MICU1: variants seen among roughly 807,000 people sequenced by gnomAD.
MICU1 encodes the protein mitochondrial calcium uptake 1, also known as calcium uptake protein 1, mitochondrial.
Under a neutral mutation model 56.8 loss-of-function variants are expected in MICU1, and 45 were observed. The ratio of observed to expected loss-of-function variants is 0.79; its 90% confidence interval spans 0.62 to 1.02. MICU1 has a LOEUF of 1.02. Among genes scored for constraint, MICU1 ranks in the 50% least tolerant of loss-of-function variants. The probability of loss-of-function intolerance (pLI) is 0.00; values close to 1 mark genes in which losing one functional copy is unlikely to be tolerated. For synonymous variants in MICU1, 186 were observed against 195.1 expected (o/e 0.95, Z 0.39); for missense variants, 504 against 587.1 (o/e 0.86, Z 1.46).
intron 1 of MICU1, among the ~76,000 whole-genome samples, chr10:72,569,206 C>CATATATATATATAT (rs1211580394): frequency 4.4e-5 from 3 of 68,058 alleles, no homozygotes; most frequent in East Asian, 3.9e-4. Flanking sequence ...CATATATATG[C>CATATATATATATAT]ATATATATAT....
At position 72,456,849 on chromosome 10, in the gene MICU1, TTGTGTGTGTGTGTG is replaced by T. The variant is rs56262647; in HGVS notation, c.933+18237_933+18250del. Among the ~76,000 whole-genome samples the T allele has an allele frequency of 3.9e-3, 522 of 134,642 alleles. 16 individuals carry two copies. Among genetic ancestry groups the T allele is most frequent in the African/African-American group, 0.012 (441 of 36,214 alleles). 88.3% of individuals were successfully genotyped at this position (134,642 alleles called of 152,430 possible). A position where few individuals can be genotyped will look rare whatever the true frequency, so the allele number is the denominator to read the frequency against. ...GATGCACCACCATGCCGGGCTCATTTTGTGTGTGTGTGTGTGTGTGTGTGTGTGTGTGTGTGTGT... is the reference window on the plus strand; with the variant it reads ...GATGCACCACCATGCCGGGCTCATTTTGTGTGTGTGTGTGTGTGTGTGTGT... On this transcript the variant is annotated intron_variant, in intron 8 of 11. Transcript: ENST00000361114.
rs1271507380 is a variant in MICU1, at chr10:72,368,174, G to A, written c.*21C>T. On this transcript the variant is annotated 3_prime_UTR_variant, in exon 12 of 12. Coordinates refer to ENST00000361114, the MANE Select transcript of MICU1 (RefSeq NM_001195518.2). ...GGTCCAGGGTACTGGGGGTGGAGGG[G>A]TCCCCTCTTGCAGTGTGGGGTTACT... 2 of 1,600,494 alleles carry A rather than the reference G, an allele frequency of 1.2e-6. No individual in the cohort carries two copies. Among genetic ancestry groups the A allele is most frequent in the Non-Finnish European group, 1.7e-6 (2 of 1,170,848 alleles).
At chr10:72,480,483 T>G (rs2132279406) in intron 6 of MICU1, among the ~76,000 whole-genome samples, 1 of 152,180 alleles carries the variant, frequency 6.6e-6, no homozygotes, top group South Asian at 2.1e-4. Context: ...GCAAAGAACC[T>G]GAAAGGAAGT....
At chr10:72,525,448 G>C (rs533053305) in intron 5 of MICU1, among the ~76,000 whole-genome samples, 9 of 152,284 alleles carry the variant, frequency 5.9e-5, no homozygotes, top group South Asian at 2.1e-4. Context: ...TTACGGCACA[G>C]GAATGAGATG....
chr10:72,439,145 T>A (rs894276498), intron 8 of MICU1, among the ~76,000 whole-genome samples: 2 of 152,002 alleles, frequency 1.3e-5, no homozygotes, highest in African/African-American at 4.8e-5. Context: ...AATGCAAAAA[T>A]CCTCAATAAA....
intron 9 of MICU1, among the ~76,000 whole-genome samples, chr10:72,415,523 A>C (rs1564854268): frequency 6.6e-6 from 1 of 152,166 alleles, no homozygotes; most frequent in Non-Finnish European, 1.5e-5. Flanking sequence ...CAGCAGGGGA[A>C]ATTATACCAT....
At chr10:72,620,324 A>C (rs916946619) in intron 1 of MICU1, among the ~76,000 whole-genome samples, 72 of 152,178 alleles carry the variant, frequency 4.7e-4, no homozygotes, top group African/African-American at 1.6e-3. Flanking sequence ...AGCTGGGATT[A>C]CAGGAGTGTG....
At chr10:72,508,319 A>G in intron 5 of MICU1, 50 bp from the exon 6 acceptor site, 1 of 749,244 alleles carries the variant, frequency 1.3e-6, no homozygotes, top group African/African-American at 1.7e-5. Context: ...TAAGTGAATT[A>G]GAATATAAAT....
chr10:72,396,363 G>A (rs968003820), intron 10 of MICU1, among the ~76,000 whole-genome samples: 1 of 151,972 alleles, frequency 6.6e-6, no homozygotes, highest in South Asian at 2.1e-4. Flanking sequence ...ATTCTAAAAA[G>A]CAGAGCGCCT....
intron 1 of MICU1, among the ~76,000 whole-genome samples, chr10:72,574,496 G>A (rs755310114): frequency 1.3e-5 from 2 of 152,004 alleles, no homozygotes; most frequent in Non-Finnish European, 2.9e-5. Flanking sequence ...TCCAGCCTGG[G>A]CAGCAAGAGT....
chr10:72,451,286 G>A (rs539819185), intron 8 of MICU1, among the ~76,000 whole-genome samples: 61 of 152,180 alleles, frequency 4.0e-4, no homozygotes, highest in Non-Finnish European at 5.9e-4. Context: ...GCCTCCCAAA[G>A]TGCTGGGATT....
At chr10:72,594,807 G>A (rs1841325636) in intron 1 of MICU1, among the ~76,000 whole-genome samples, 1 of 151,546 alleles carries the variant, frequency 6.6e-6, no homozygotes, top group South Asian at 2.1e-4. Flanking sequence ...CTACTGGGGA[G>A]GCTGAGGAAG....
At chr10:72,548,951 C>T (rs1472550491) in intron 4 of MICU1, among the ~76,000 whole-genome samples, 1 of 152,156 alleles carries the variant, frequency 6.6e-6, no homozygotes, top group Non-Finnish European at 1.5e-5. Flanking sequence ...CCTGCCTCAG[C>T]CTCCCAAAGT....
chr10:72,439,774 T>A (rs1864857369), intron 8 of MICU1, among the ~76,000 whole-genome samples: 1 of 152,108 alleles, frequency 6.6e-6, no homozygotes, highest in South Asian at 2.1e-4. Context: ...GAGAGCCAAA[T>A]CATGAGTGAA....
At chr10:72,522,282 T>C (rs1867846751) in intron 5 of MICU1, among the ~76,000 whole-genome samples, 1 of 152,112 alleles carries the variant, frequency 6.6e-6, no homozygotes, top group South Asian at 2.1e-4. Flanking sequence ...AAAGTGATTT[T>C]TGAATCTTGT....
At chr10:72,500,919 T>C (rs890828651) in intron 6 of MICU1, among the ~76,000 whole-genome samples, 3 of 152,172 alleles carry the variant, frequency 2.0e-5, no homozygotes, top group Non-Finnish European at 2.9e-5. Flanking sequence ...GTGTATAAAA[T>C]TTAAGACCAT....
intron 1 of MICU1, among the ~76,000 whole-genome samples, chr10:72,587,581 G>A (rs143151841): frequency 0.021 from 3,253 of 151,742 alleles, 118 homozygotes; most frequent in African/African-American, 0.075. Flanking sequence ...ATCAGCCTGA[G>A]CAACATGGTG....
chr10:72,594,429 C>T (rs749658748), intron 1 of MICU1, among the ~76,000 whole-genome samples: 3 of 150,588 alleles, frequency 2.0e-5, no homozygotes, highest in Admixed American at 6.6e-5. Context: ...CTAAATGTAA[C>T]ACCTAAAATC....
chr10:72,534,173 T>A (rs1839564594), intron 4 of MICU1, among the ~76,000 whole-genome samples: 1 of 148,496 alleles, frequency 6.7e-6, no homozygotes. Flanking sequence ...TTCTATCAAG[T>A]TCAAAGAAAA....
Sources: allele counts gnomAD v4.1 joint callset (sites outside exome capture counted in the v4.1 genomes callset), GRCh38; gene constraint gnomAD v4.1.1; transcripts MANE v1.5; gene names NCBI Gene and HGNC (gene_info 2026-07-23, HGNC 2026-07-21).